TBXT: variants seen among roughly 807,000 people sequenced by gnomAD.
TBXT encodes the protein T-box transcription factor T.
A neutral mutation model predicts 41.1 loss-of-function variants in TBXT; 19 were observed. The observed-to-expected ratio is 0.46, with a 90% CI of 0.32 to 0.68. The LOEUF (loss-of-function observed/expected upper bound fraction) is 0.68. Ranked by LOEUF, TBXT falls within the 30% of genes least tolerant of loss-of-function variation. TBXT has a pLI of 0.03. For missense variants in TBXT, 536 were observed against 582.0 expected, an observed-to-expected ratio of 0.92 and a Z score of 0.81; for synonymous variants, 213 against 238.9, an observed-to-expected ratio of 0.89 and a Z score of 1.00.
chr6:166,163,815 C>T (rs1427429358), intron 5 of TBXT, among the ~76,000 whole-genome samples: 1 of 152,040 alleles, frequency 6.6e-6, no homozygotes, highest in Non-Finnish European at 1.5e-5. Context: ...TGCAGACGTG[C>T]CCTGGCTGCC....
Position 166,158,285 on chromosome 6 carries a change from T to C in TBXT, c.*30A>G, listed in dbSNP as rs1231155698. The stretch of plus-strand genomic sequence containing the variant: ...ACTGGCTGCCACGACAAAAAGTCAC[T>C]GCATCTTTCGGGACCTGGGCCTTGC... On this transcript the variant is annotated 3_prime_UTR_variant, in exon 8 of 8. Transcript: ENST00000366876. 6.2e-7 allele frequency: 1 copy of C among 1,614,206 alleles called. No homozygotes were observed.
At position 166,167,551 on chromosome 6, in the gene TBXT, T is replaced by A; in HGVS notation, c.41A>T (p.Gln14Leu). ...GCTCAGCAGGTGGTCCACTCGGTAC[T>A]GCAGGCTCTTTCCCGCGCTCTCGGT... ...PGTESAGKSL[Q>L]YRVDHLLSAV... The change falls in exon 1 of 8, where the codon CAG becomes CTG. Residue 14 changes from glutamine to leucine, a missense_variant. Gln to Leu is a moderately radical substitution (Grantham distance 113, BLOSUM62 -2). Transcript: ENST00000366876. 1 of 1,590,300 alleles carries A rather than the reference T, an allele frequency of 6.3e-7. No individual in the cohort carries two copies. The highest frequency in any genetic ancestry group is 8.5e-7 in the Non-Finnish European group (1 of 1,173,536).
chr6:166,166,754 C>CT lies in TBXT; in HGVS notation c.308dup (p.Tyr104ValfsTer62). The CT allele has an allele frequency of 1.9e-6, 3 of 1,613,810 alleles. No homozygotes were observed. The highest frequency in any genetic ancestry group is 2.5e-6 in the Non-Finnish European group (3 of 1,180,050). On this transcript the variant is annotated frameshift_variant, in exon 2 of 8. Coordinates refer to ENST00000366876, the MANE Select transcript of TBXT (RefSeq NM_001366285.2). LOFTEE classifies it high-confidence loss of function. ...CCGGCACCCATTCCCCGTTCACGTA[C>CT]TTCCAGCGGTGGTTGTCCGCCGCCA...
rs1485487580 is a variant in TBXT at position 166,158,437 on chromosome 6, A to T, written c.1189T>A (p.Ser397Thr). Reference protein sequence around the residue: ...LTHPVSAPSSSGSPLYEGAAA... With the variant: ...LTHPVSAPSSTGSPLYEGAAA... ...GCCCCTTCGTACAGTGGGGATCCCG[A>T]GGAAGAGGGCGCCGAGACCGGATGG... The change falls in exon 8 of 8, where the codon TCG becomes ACG. Residue 397 changes from serine (S) to threonine (T), a missense_variant. Physicochemically the swap from Ser to Thr is moderately conservative, Grantham distance 58. Transcript: ENST00000366876. The T allele has an allele frequency of 5.6e-6, 9 of 1,614,048 alleles. No individual in the cohort carries two copies. The highest frequency in any genetic ancestry group is 8.5e-7 in the Non-Finnish European group (1 of 1,180,038).
At chr6:166,165,955 G>C in intron 2 of TBXT, 115 bp from the exon 3 acceptor site, 1 of 1,496,912 alleles carries the variant, frequency 6.7e-7, no homozygotes, top group South Asian at 1.1e-5. Flanking sequence ...TGTCTCTGCT[G>C]TTGAGGGAAG....
intron 1 of TBXT, 119 bp downstream of exon 1, chr6:166,167,267 A>C: frequency 8.7e-7 from 1 of 1,155,652 alleles, no homozygotes; most frequent in South Asian, 1.3e-5. Flanking sequence ...CAGAGCGGGA[A>C]CAAACACAAA....
chr6:166,160,829 T>G lies in TBXT; in HGVS notation c.1037+8A>C. 3 of 1,614,092 alleles carry G rather than the reference T, an allele frequency of 1.9e-6. No individual in the cohort carries two copies. The highest frequency in any genetic ancestry group is 8.5e-7 in the Non-Finnish European group (1 of 1,180,000). On this transcript the variant is annotated splice_region_variant and intron_variant, in intron 7 of 7. Coordinates refer to ENST00000366876, the MANE Select transcript of TBXT (RefSeq NM_001366285.2). The stretch of plus-strand genomic sequence containing the variant: ...GATGCTTTGCACCAGGTCCTGGACA[T>G]ACATTACCTGGAGCTGGTAGGTGGG...
intron 7 of TBXT, 59 bp from the exon 8 acceptor site, chr6:166,158,647 A>T: frequency 2.1e-6 from 3 of 1,438,816 alleles, no homozygotes; most frequent in African/African-American, 2.9e-5. Context: ...CCAGCTAAGG[A>T]TGGAAAAACA....
chr6:166,163,038 G>T (rs1169901039), intron 5 of TBXT, among the ~76,000 whole-genome samples: 4 of 152,240 alleles, frequency 2.6e-5, no homozygotes, highest in African/African-American at 4.8e-5. Flanking sequence ...CCAGGAGCCT[G>T]GCCTCAGGCA....
At chr6:166,158,750 C>T (rs1778866862) in intron 7 of TBXT, among the ~76,000 whole-genome samples, 162 bp from the exon 8 acceptor site, 1 of 152,252 alleles carries the variant, frequency 6.6e-6, no homozygotes, top group African/African-American at 2.4e-5. Context: ...GACTCACAAG[C>T]ACATTCTGTG....
chr6:166,166,890 G>A (rs920960), intron 1 of TBXT, 34 bp from the exon 2 acceptor site: 2 of 1,612,618 alleles, frequency 1.2e-6, no homozygotes, highest in East Asian at 2.2e-5. Flanking sequence ...GGAGGACCCC[G>A]ACACTGACCA....
Position 166,167,652 on chromosome 6 carries a change from C to T in TBXT, c.-61G>A. 1.3e-6 allele frequency: 2 copies of T among 1,534,246 alleles called. No individual in the cohort carries two copies. Among genetic ancestry groups the T allele is most frequent in the East Asian group, 4.9e-5 (2 of 40,856 alleles). ...GCCCAGACTCGCTACCTGAGATCCA[C>T]CTTCCCTGCTCTTGGCCGCCGCCCT... On this transcript the variant is annotated 5_prime_UTR_variant, in exon 1 of 8. In the 5' UTR this introduces an upstream ATG that the reference lacks. Transcript: ENST00000366876.
At chr6:166,160,131 T>C (rs1778908849) in intron 7 of TBXT, among the ~76,000 whole-genome samples, 1 of 152,206 alleles carries the variant, frequency 6.6e-6, no homozygotes, top group Non-Finnish European at 1.5e-5. Context: ...CCTTCCTCCC[T>C]AGAAAGTGAG....
chr6:166,166,730 C>A lies in TBXT; in HGVS notation c.333G>T (p.Pro111=), dbSNP rs778637353. ...RWKYVNGEWV[P]GGKPEPQAPS... is the part of the protein sequence containing the mutation. The stretch of plus-strand genomic sequence containing the variant: ...GCGCCTGCGGCTCCGGCTTGCCCCC[C>A]GGCACCCATTCCCCGTTCACGTACT... Residue 111 remains proline (P), a synonymous_variant, in exon 2 of 8, where the codon CCG becomes CCT. Coordinates refer to ENST00000366876, the MANE Select transcript of TBXT (RefSeq NM_001366285.2). 3.1e-6 allele frequency: 5 copies of A among 1,613,708 alleles called. No homozygotes were observed. Among genetic ancestry groups the A allele is most frequent in the Middle Eastern group, 1.6e-4 (1 of 6,084 alleles).
At chr6:166,166,415 T>A (rs1392320081) in intron 2 of TBXT, among the ~76,000 whole-genome samples, 177 bp downstream of exon 2, 1 of 152,144 alleles carries the variant, frequency 6.6e-6, no homozygotes, top group African/African-American at 2.4e-5. Context: ...CAGGCGTGGA[T>A]GTTATCAGCT....
chr6:166,164,574 G>C, intron 5 of TBXT, 31 bp downstream of exon 5: 1 of 1,613,510 alleles, frequency 6.2e-7, no homozygotes, highest in Non-Finnish European at 8.5e-7. Context: ...CGATGACGCA[G>C]AATGACATGA....
intron 7 of TBXT, among the ~76,000 whole-genome samples, chr6:166,159,894 C>T (rs1778900984): frequency 6.6e-6 from 1 of 152,198 alleles, no homozygotes; most frequent in African/African-American, 2.4e-5. Context: ...TGGGGCGATG[C>T]TCTTGGAGCC....
chr6:166,161,048 T>C, intron 6 of TBXT, 82 bp from the exon 7 acceptor site: 2 of 1,556,450 alleles, frequency 1.3e-6, no homozygotes, highest in Non-Finnish European at 1.8e-6. Flanking sequence ...CACCAATAAC[T>C]GAAGCTACGT....
chr6:166,166,959 G>C, intron 1 of TBXT, 103 bp from the exon 2 acceptor site: 1 of 1,582,568 alleles, frequency 6.3e-7, no homozygotes, highest in South Asian at 1.1e-5. Context: ...GCACAGAGGA[G>C]CCCCCTGGGG....
Sources: gnomAD v4.1 joint callset for allele counts (sites outside exome capture counted in the v4.1 genomes callset) on GRCh38, gnomAD v4.1.1 for gene constraint, MANE v1.5 for transcripts, NCBI Gene and HGNC (gene_info 2026-07-23, HGNC 2026-07-21) for gene names.